Variants in NARS2 observed in about 807,000 individuals in gnomAD.
NARS2 encodes asparaginyl-tRNA synthetase.
Under a neutral mutation model 62.9 loss-of-function variants are expected in NARS2, and 60 were observed. The ratio of observed to expected loss-of-function variants is 0.95; its 90% confidence interval spans 0.77 to 1.18. The LOEUF is 1.18. Among genes scored for constraint, NARS2 ranks in the 50% most tolerant of loss-of-function variants. The pLI, the probability that NARS2 is intolerant of heterozygous loss-of-function variation, is 0.00. For synonymous variants in NARS2, 196 were observed against 200.0 expected, an observed-to-expected ratio of 0.98 and a Z score of 0.17; for missense variants, 619 against 576.4, an observed-to-expected ratio of 1.07 and a Z score of -0.76.
chr11:78,477,647 G>T (rs1014990235), intron 9 of NARS2, among the ~76,000 whole-genome samples: 1 of 152,114 alleles, frequency 6.6e-6, no homozygotes, highest in Non-Finnish European at 1.5e-5. Context: ...TTTTTTGGAT[G>T]AAATTAATGT....
At chr11:78,531,779 AG>A (rs1189405409) in intron 5 of NARS2, among the ~76,000 whole-genome samples, 1 of 152,232 alleles carries the variant, frequency 6.6e-6, no homozygotes, top group African/African-American at 2.4e-5. Context: ...GAAAGAAGAC[AG>A]ACTTAAAAGG....
At chr11:78,523,110 A>G (rs1861186152) in intron 6 of NARS2, among the ~76,000 whole-genome samples, 1 of 152,188 alleles carries the variant, frequency 6.6e-6, no homozygotes, top group Non-Finnish European at 1.5e-5. Context: ...AATTTTAAAA[A>G]TAACTCAAGG....
chr11:78,490,003 C>T (rs1859747149), intron 7 of NARS2, among the ~76,000 whole-genome samples: 1 of 152,164 alleles, frequency 6.6e-6, no homozygotes, highest in Non-Finnish European at 1.5e-5. Context: ...TGCACCACTG[C>T]ACTCCAGCCT....
chr11:78,569,682 A>G (rs1021779215), intron 2 of NARS2, among the ~76,000 whole-genome samples: 5 of 152,206 alleles, frequency 3.3e-5, no homozygotes, highest in Admixed American at 3.3e-4. Flanking sequence ...GAAATCTGGT[A>G]TACTTTCATC....
intron 4 of NARS2, among the ~76,000 whole-genome samples, chr11:78,565,373 T>G (rs1856708963): frequency 6.6e-6 from 1 of 152,076 alleles, no homozygotes; most frequent in African/African-American, 2.4e-5. Context: ...GCAAACCTCA[T>G]GAAACAATAG....
At chr11:78,506,311 A>C (rs1219097384) in intron 6 of NARS2, among the ~76,000 whole-genome samples, 5 of 152,238 alleles carry the variant, frequency 3.3e-5, no homozygotes, top group Admixed American at 3.3e-4. Flanking sequence ...TTAAGCATTA[A>C]CTTAATTCCT....
At chr11:78,572,370 TAG>T (rs1035037407) in intron 1 of NARS2, among the ~76,000 whole-genome samples, 18 of 152,196 alleles carry the variant, frequency 1.2e-4, no homozygotes, top group African/African-American at 4.3e-4. Flanking sequence ...AAACATTATT[TAG>T]AGATGTCACG....
intron 13 of NARS2, among the ~76,000 whole-genome samples, chr11:78,438,980 A>ATT (rs928649517): frequency 2.7e-5 from 4 of 146,054 alleles, no homozygotes; most frequent in Admixed American, 6.8e-5. Context: ...TATTTAACCA[A>ATT]TTTTTTTTTT....
At chr11:78,474,094 A>G (rs540025256) in intron 9 of NARS2, among the ~76,000 whole-genome samples, 3 of 152,242 alleles carry the variant, frequency 2.0e-5, no homozygotes, top group Non-Finnish European at 4.4e-5. Flanking sequence ...TCAACAACGT[A>G]TTTAAAAGAA....
At chr11:78,480,863 G>A (rs1002398953) in intron 7 of NARS2, among the ~76,000 whole-genome samples, 5 of 151,344 alleles carry the variant, frequency 3.3e-5, no homozygotes, top group Non-Finnish European at 1.5e-5. Flanking sequence ...CTGTCACCCA[G>A]AATGGAGTGC....
At chr11:78,520,246 G>C (rs1055866525) in intron 6 of NARS2, among the ~76,000 whole-genome samples, 2 of 152,110 alleles carry the variant, frequency 1.3e-5, no homozygotes, top group African/African-American at 4.8e-5. Flanking sequence ...GAAGATTCTA[G>C]GGAAGAATCC....
At chr11:78,537,153 C>T (rs1252424236) in intron 5 of NARS2, among the ~76,000 whole-genome samples, 1 of 152,032 alleles carries the variant, frequency 6.6e-6, no homozygotes, top group Non-Finnish European at 1.5e-5. Context: ...GTGCATTTCT[C>T]AGAAAGTATC....
At chr11:78,462,458 T>C (rs1215415296) in intron 11 of NARS2, among the ~76,000 whole-genome samples, 1 of 152,170 alleles carries the variant, frequency 6.6e-6, no homozygotes, top group Non-Finnish European at 1.5e-5. Flanking sequence ...GTAAAATAAA[T>C]GGCTAAAAAG....
intron 6 of NARS2, among the ~76,000 whole-genome samples, chr11:78,508,621 T>C (rs372738917): frequency 1.3e-5 from 2 of 149,094 alleles, no homozygotes; most frequent in African/African-American, 2.5e-5. Flanking sequence ...AAAAAAACCA[T>C]TGAAGAAATA....
At chr11:78,487,328 C>T (rs1286459417) in intron 7 of NARS2, among the ~76,000 whole-genome samples, 1 of 147,854 alleles carries the variant, frequency 6.8e-6, no homozygotes, top group Non-Finnish European at 1.5e-5. Flanking sequence ...TGCACTCCAG[C>T]CTGGGCAACA....
intron 5 of NARS2, among the ~76,000 whole-genome samples, chr11:78,553,558 G>C (rs1488267611): frequency 6.6e-6 from 1 of 151,980 alleles, no homozygotes; most frequent in Non-Finnish European, 1.5e-5. Context: ...CAAAGTGCTG[G>C]GATTATAGGC....
At chr11:78,448,067 G>A (rs900983131) in intron 11 of NARS2, among the ~76,000 whole-genome samples, 5 of 152,076 alleles carry the variant, frequency 3.3e-5, no homozygotes, top group South Asian at 4.1e-4. Context: ...CTATAAAAAT[G>A]ATAGATAAGT....
At chr11:78,490,262 G>C (rs1313081621) in intron 7 of NARS2, among the ~76,000 whole-genome samples, 1 of 152,118 alleles carries the variant, frequency 6.6e-6, no homozygotes, top group African/African-American at 2.4e-5. Flanking sequence ...AAAGCCACTG[G>C]ACAAGTAACT....
intron 6 of NARS2, among the ~76,000 whole-genome samples, chr11:78,510,755 T>C (rs1231861751): frequency 6.6e-6 from 1 of 152,172 alleles, no homozygotes. Flanking sequence ...AACTACATAC[T>C]TAAAATGGTA....
Sources: allele counts gnomAD v4.1 joint callset (sites outside exome capture counted in the v4.1 genomes callset), GRCh38; gene constraint gnomAD v4.1.1; transcripts MANE v1.5; gene names NCBI Gene and HGNC (gene_info 2026-07-23, HGNC 2026-07-21).